Variants in GRB2 observed in about 807,000 individuals in gnomAD.
The protein encoded by GRB2 is growth factor receptor-bound protein 2.
In GRB2, 2 loss-of-function variants were observed where a neutral mutation model predicts 27.4. The observed-to-expected ratio is 0.07, with a 90% CI of 0.03 to 0.23. The LOEUF (loss-of-function observed/expected upper bound fraction) is 0.23, where lower values mean the gene tolerates loss of function less well. Ranked by LOEUF, GRB2 falls within the 10% of genes least tolerant of loss-of-function variation. The probability of loss-of-function intolerance (pLI) is 1.00; values close to 1 mark genes in which losing one functional copy is unlikely to be tolerated. For synonymous variants in GRB2, 94 were observed against 99.6 expected, an observed-to-expected ratio of 0.94 and a Z score of 0.33; for missense variants, 102 against 282.4, an observed-to-expected ratio of 0.36 and a Z score of 4.58.
intron 2 of GRB2, among the ~76,000 whole-genome samples, chr17:75,364,210 G>A (rs1345323974): frequency 1.3e-5 from 2 of 152,130 alleles, no homozygotes; most frequent in African/African-American, 4.8e-5. Flanking sequence ...GCCTCTACTA[G>A]TGAACTCAAA....
intron 2 of GRB2, chr17:75,371,373 C>G (rs1208749743): frequency 6.6e-6 from 1 of 151,878 alleles, no homozygotes; most frequent in Non-Finnish European, 1.5e-5. Flanking sequence ...ACGTAAGAAC[C>G]AAGCCTGAAC....
intron 2 of GRB2, among the ~76,000 whole-genome samples, chr17:75,375,228 C>T (rs1367632049): frequency 1.3e-5 from 2 of 152,110 alleles, no homozygotes; most frequent in African/African-American, 4.8e-5. Flanking sequence ...TATCACTATA[C>T]TTCTTATGCC....
intron 2 of GRB2, among the ~76,000 whole-genome samples, chr17:75,387,171 A>C (rs2078969539): frequency 6.6e-6 from 1 of 151,750 alleles, no homozygotes; most frequent in Non-Finnish European, 1.5e-5. Flanking sequence ...TCTCAAAAAA[A>C]AAAAGAGTGC....
At chr17:75,385,048 AAAAAAAAAAAG>A (rs1474772408) in intron 2 of GRB2, among the ~76,000 whole-genome samples, 1,004 of 86,912 alleles carry the variant, frequency 0.012, 15 homozygotes, top group South Asian at 0.064. Context: ...AAAAAAAAAA[AAAAAAAAAAAG>A]CAAACAAACA....
chr17:75,324,507 GTTTTTTTTTTTTTTTT>G (rs767194304), intron 4 of GRB2, among the ~76,000 whole-genome samples: 3 of 36,704 alleles, frequency 8.2e-5, no homozygotes, highest in Non-Finnish European at 1.7e-4. Context: ...ACCGCACCCA[GTTTTTTTTTTTTTTTT>G]TTTTTTTTTT....
intron 2 of GRB2, among the ~76,000 whole-genome samples, chr17:75,360,886 G>T (rs1409815748): frequency 6.6e-6 from 1 of 152,110 alleles, no homozygotes; most frequent in African/African-American, 2.4e-5. Flanking sequence ...TCCCACCTCA[G>T]CTTCTGGAGC....
At chr17:75,391,805 C>A (rs2079000396) in intron 2 of GRB2, among the ~76,000 whole-genome samples, 1 of 52,324 alleles carries the variant, frequency 1.9e-5, no homozygotes, top group Admixed American at 2.1e-4. Context: ...GAGACTCCAT[C>A]TCAAAAAAAA....
chr17:75,397,833 AT>A (rs2079037745), intron 1 of GRB2, among the ~76,000 whole-genome samples: 1 of 151,122 alleles, frequency 6.6e-6, no homozygotes, highest in African/African-American at 2.4e-5. Context: ...TTATTTATTT[AT>A]TTATTTATTT....
At chr17:75,344,406 T>C (rs2078641402) in intron 2 of GRB2, 1 of 151,980 alleles carries the variant, frequency 6.6e-6, no homozygotes, top group Admixed American at 6.6e-5. Context: ...TTTTTTTTTT[T>C]TTTCAGACAG....
chr17:75,350,097 G>C (rs938957863), intron 2 of GRB2, among the ~76,000 whole-genome samples: 2 of 151,900 alleles, frequency 1.3e-5, no homozygotes, highest in African/African-American at 2.4e-5. Flanking sequence ...GGGCACAGTG[G>C]CATATGCCTG....
At chr17:75,356,123 C>T (rs1345401610) in intron 2 of GRB2, among the ~76,000 whole-genome samples, 3 of 151,884 alleles carry the variant, frequency 2.0e-5, no homozygotes, top group East Asian at 1.9e-4. Flanking sequence ...CATGAGCCAC[C>T]GCACCTGGCC....
At chr17:75,328,325 A>G (rs923424301) in intron 3 of GRB2, among the ~76,000 whole-genome samples, 2 of 151,372 alleles carry the variant, frequency 1.3e-5, no homozygotes, top group Non-Finnish European at 2.9e-5. Flanking sequence ...CTCTGTCTCA[A>G]AAAAATATAT....
At position 75,392,737 on chromosome 17, in the gene GRB2, C is replaced by T. The variant is rs530438372; in HGVS notation, c.78+814G>A. ...CATACTCTTTGATAACACTCATCCT[C>T]GTTAAAATAAATTACACATCCAAAA... On this transcript the variant is annotated intron_variant, in intron 2 of 5. Coordinates refer to ENST00000316804, the MANE Select transcript of GRB2 (RefSeq NM_002086.5). Among the ~76,000 whole-genome samples the T allele has an allele frequency of 6.6e-5, 10 of 152,244 alleles. No individual in the cohort carries two copies. The South Asian group carries it at 1.5e-3, about 22-fold the overall frequency.
intron 2 of GRB2, among the ~76,000 whole-genome samples, chr17:75,341,835 G>A (rs2078623556): frequency 6.6e-6 from 1 of 152,144 alleles, no homozygotes; most frequent in African/African-American, 2.4e-5. Context: ...AGGCAACAAC[G>A]CTTAAGTGCT....
intron 2 of GRB2, among the ~76,000 whole-genome samples, chr17:75,346,491 G>A (rs554057826): frequency 6.0e-5 from 9 of 150,538 alleles, no homozygotes; most frequent in South Asian, 2.1e-4. Flanking sequence ...GTGAGACTCC[G>A]TCTCCAAAAA....
intron 2 of GRB2, chr17:75,339,132 A>G (rs915129024): frequency 3.1e-5 from 39 of 1,271,600 alleles, no homozygotes; most frequent in Middle Eastern, 4.5e-4. Context: ...GAAAGGGCCA[A>G]GTGATCCAGT....
intron 2 of GRB2, among the ~76,000 whole-genome samples, chr17:75,375,746 C>T (rs1406330100): frequency 6.6e-6 from 1 of 152,044 alleles, no homozygotes; most frequent in African/African-American, 2.4e-5. Flanking sequence ...TGGGGACTGG[C>T]CGGGCGCAGT....
chr17:75,328,523 C>T (rs2078515927), intron 3 of GRB2, among the ~76,000 whole-genome samples: 1 of 151,760 alleles, frequency 6.6e-6, no homozygotes, highest in Non-Finnish European at 1.5e-5. Flanking sequence ...GCCTGTAATC[C>T]CAGCTACTCG....
At chr17:75,357,113 C>T (rs552774896) in intron 2 of GRB2, among the ~76,000 whole-genome samples, 81 of 152,372 alleles carry the variant, frequency 5.3e-4, no homozygotes, top group Non-Finnish European at 9.7e-4. Context: ...ACTGCTTTCA[C>T]TTTGCCACCA....
Sources: allele counts gnomAD v4.1 joint callset (sites outside exome capture counted in the v4.1 genomes callset), GRCh38; gene constraint gnomAD v4.1.1; transcripts MANE v1.5; gene names NCBI Gene and HGNC (gene_info 2026-07-23, HGNC 2026-07-21).